The following TRDN variants were observed in gnomAD, a reference collection of about 807,000 sequenced individuals.
TRDN encodes triadin in skeletal muscle.
Under a neutral mutation model 149.7 loss-of-function variants are expected in TRDN, and 161 were observed. The ratio of observed to expected loss-of-function variants is 1.08; its 90% confidence interval spans 0.95 to 1.23. TRDN has a LOEUF of 1.23. TRDN is among the 50% of genes most tolerant of loss of function. The pLI is 0.00. For synonymous variants in TRDN, 294 were observed against 250.5 expected, an observed-to-expected ratio of 1.17 and a Z score of -1.64; for missense variants, 896 against 823.5, an observed-to-expected ratio of 1.09 and a Z score of -1.08.
chr6:123,627,927 C>T (rs1475160287), intron 1 of TRDN, among the ~76,000 whole-genome samples: 1 of 152,186 alleles, frequency 6.6e-6, no homozygotes, highest in African/African-American at 2.4e-5. Context: ...CTCTCCACAT[C>T]TTCACAGAAT....
intron 26 of TRDN, among the ~76,000 whole-genome samples, chr6:123,276,103 A>T (rs529341233): frequency 6.6e-6 from 1 of 152,138 alleles, no homozygotes; most frequent in Non-Finnish European, 1.5e-5. Flanking sequence ...GTTCCCATTC[A>T]CAAAAGAGGA....
chr6:123,573,249 T>C (rs1782668664), intron 1 of TRDN, among the ~76,000 whole-genome samples: 1 of 152,092 alleles, frequency 6.6e-6, no homozygotes, highest in Non-Finnish European at 1.5e-5. Flanking sequence ...ATGAGATTGG[T>C]AAGACTCAAT....
intron 38 of TRDN, among the ~76,000 whole-genome samples, chr6:123,250,359 G>GA (rs1243071659): frequency 2.0e-5 from 3 of 151,096 alleles, no homozygotes; most frequent in African/African-American, 7.3e-5. Context: ...ACAAATGACT[G>GA]AAAAAAAAGT....
At position 123,433,178 on chromosome 6, in the gene TRDN, T is replaced by C. The variant is rs201980836; in HGVS notation, c.1051+4885A>G. Among the ~76,000 whole-genome samples, 497 of 139,392 alleles carry C rather than the reference T, an allele frequency of 3.6e-3. 31 individuals are homozygous for C. In the East Asian group the frequency reaches 0.096, roughly 27 times the overall value. 91.4% of individuals were successfully genotyped at this position (139,392 alleles called of 152,430 possible). On this transcript the variant is annotated intron_variant, in intron 12 of 40. Coordinates refer to ENST00000334268, the MANE Select transcript of TRDN (RefSeq NM_006073.4). ...TATATATATAATATATATATATATA[T>C]ATATACATCACACAATGATCCAGCA...
At chr6:123,310,639 C>T (rs9388214) in intron 24 of TRDN, among the ~76,000 whole-genome samples, 27,492 of 151,656 alleles carry the variant, frequency 0.18, 3,362 homozygotes, top group East Asian at 0.6. Flanking sequence ...AAACGGATGG[C>T]TTGATAATTT....
At chr6:123,529,473 A>C in intron 5 of TRDN, 1 of 998,676 alleles carries the variant, frequency 1.0e-6, no homozygotes, top group Non-Finnish European at 1.5e-6. Context: ...TAATATCTGT[A>C]GAATGATTTG....
At chr6:123,360,566 G>T (rs1780856883) in intron 20 of TRDN, among the ~76,000 whole-genome samples, 1 of 152,152 alleles carries the variant, frequency 6.6e-6, no homozygotes, top group African/African-American at 2.4e-5. Flanking sequence ...GATGTCATCA[G>T]CATTGGCTGG....
chr6:123,278,736 C>T (rs1161428801), intron 25 of TRDN, among the ~76,000 whole-genome samples: 1 of 152,118 alleles, frequency 6.6e-6, no homozygotes, highest in East Asian at 1.9e-4. Flanking sequence ...CACCACTGCC[C>T]ACTGCCTGGG....
intron 33 of TRDN, among the ~76,000 whole-genome samples, chr6:123,264,938 T>C (rs550611473): frequency 2.6e-4 from 40 of 152,186 alleles, no homozygotes; most frequent in African/African-American, 9.4e-4. Flanking sequence ...ATAATCTTTA[T>C]GTGCACTGGG....
chr6:123,559,523 G>T (rs878886264), intron 2 of TRDN, among the ~76,000 whole-genome samples: 22 of 151,850 alleles, frequency 1.4e-4, no homozygotes, highest in Admixed American at 2.6e-4. Flanking sequence ...TAACCCACAA[G>T]AATAAGATAC....
chr6:123,381,663 T>C (rs906341738), intron 15 of TRDN, among the ~76,000 whole-genome samples: 3 of 152,084 alleles, frequency 2.0e-5, no homozygotes, highest in African/African-American at 4.8e-5. Flanking sequence ...TGATATGTAA[T>C]AGTCTCTTAA....
rs563344373 is a variant in TRDN at position 123,585,196 on chromosome 6, C to A, written c.23-14064G>T. On this transcript the variant is annotated intron_variant, in intron 1 of 40. Transcript: ENST00000334268. ...GGAGGCTTTGGATTGGGAAGAAGGG[C>A]AGCAATGAGATGTAGCTGTAATCCA... is the stretch of plus-strand genomic sequence containing the variant. Among the ~76,000 whole-genome samples, 651 of 149,642 alleles carry A rather than the reference C, an allele frequency of 4.4e-3. 8 individuals are homozygous for A. The highest frequency in any genetic ancestry group is 0.019 in the Admixed American group (285 of 14,876).
At chr6:123,437,240 G>C (rs761853890) in intron 12 of TRDN, 1 of 215,986 alleles carries the variant, frequency 4.6e-6, no homozygotes, top group Non-Finnish European at 9.4e-6. Context: ...CTTGACCAAG[G>C]TGGTCCTCAC....
rs937664462 is a variant in TRDN at position 123,464,681 on chromosome 6, C to T, written c.931+225G>A. On this transcript the variant is annotated intron_variant, in intron 10 of 40. Coordinates refer to ENST00000334268, the MANE Select transcript of TRDN (RefSeq NM_006073.4). ...ATTCCCAAAGTGCTAGAGTGGGCAT[C>T]CTTCTGGAAGCTGAGGGTCACCAAT... 2.3e-6 allele frequency: 3 copies of T among 1,303,644 alleles called. No individual in the cohort carries two copies. The African/African-American group carries it at 4.4e-5, about 19-fold the overall frequency. The allele number at this position is 1,303,644 out of a possible 1,614,324, so 80.8% of individuals were successfully genotyped here.
At chr6:123,483,166 G>A (rs1777836983) in intron 9 of TRDN, among the ~76,000 whole-genome samples, 1 of 150,420 alleles carries the variant, frequency 6.6e-6, no homozygotes, top group Non-Finnish European at 1.5e-5. Flanking sequence ...GAAGTGGCAC[G>A]ATCTCGGCTC....
At chr6:123,580,081 AC>A (rs1307204620) in intron 1 of TRDN, among the ~76,000 whole-genome samples, 3 of 152,164 alleles carry the variant, frequency 2.0e-5, no homozygotes, top group Non-Finnish European at 4.4e-5. Context: ...AAGGAATGGT[AC>A]CAGCTCTTCT....
intron 12 of TRDN, among the ~76,000 whole-genome samples, chr6:123,421,085 T>G (rs888035631): frequency 3.3e-5 from 5 of 152,150 alleles, no homozygotes; most frequent in African/African-American, 1.2e-4. Context: ...CTGAGGAAAT[T>G]TATCTGCTAA....
intron 2 of TRDN, among the ~76,000 whole-genome samples, chr6:123,565,959 C>T (rs1483237734): frequency 6.6e-6 from 1 of 152,226 alleles, no homozygotes; most frequent in Admixed American, 6.5e-5. Flanking sequence ...CCAATTTCCA[C>T]CCTGACTACT....
At chr6:123,356,935 G>A (rs1005024356) in intron 20 of TRDN, among the ~76,000 whole-genome samples, 1 of 150,766 alleles carries the variant, frequency 6.6e-6, no homozygotes, top group Non-Finnish European at 1.5e-5. Flanking sequence ...ATAATATTTT[G>A]ACTTTTCCTG....
Sources: gnomAD v4.1 joint callset for allele counts (sites outside exome capture counted in the v4.1 genomes callset) on GRCh38, gnomAD v4.1.1 for gene constraint, MANE v1.5 for transcripts, NCBI Gene and HGNC (gene_info 2026-07-23, HGNC 2026-07-21) for gene names.